CNTNAP4: variants seen among roughly 807,000 people sequenced by gnomAD.
CNTNAP4 encodes the protein contactin-associated protein-like 4.
CNTNAP4 carries 98 observed loss-of-function variants against 148.4 expected under a neutral mutation model. That is an observed-to-expected ratio of 0.66 (90% confidence interval 0.56 to 0.78). CNTNAP4 has a LOEUF of 0.78. CNTNAP4 is among the 30% of genes least tolerant of loss of function. The pLI is 0.00. For missense variants in CNTNAP4, 1,935 were observed against 1,565.6 expected, an observed-to-expected ratio of 1.24 and a Z score of -3.98; for synonymous variants, 730 against 565.1, an observed-to-expected ratio of 1.29 and a Z score of -4.14.
chr16:76,285,448 G>A (rs1164044970), intron 1 of CNTNAP4, among the ~76,000 whole-genome samples: 1 of 151,984 alleles, frequency 6.6e-6, no homozygotes, highest in African/African-American at 2.4e-5. Flanking sequence ...GGAAAAAAAT[G>A]GTGTGATATT....
At chr16:76,352,049 T>C (rs1402366752) in intron 2 of CNTNAP4, among the ~76,000 whole-genome samples, 1 of 152,182 alleles carries the variant, frequency 6.6e-6, no homozygotes, top group African/African-American at 2.4e-5. Flanking sequence ...AGGTATTAGC[T>C]GACACAGATG....
At chr16:76,343,331 A>G (rs951596770) in intron 2 of CNTNAP4, among the ~76,000 whole-genome samples, 1 of 152,172 alleles carries the variant, frequency 6.6e-6, no homozygotes, top group Non-Finnish European at 1.5e-5. Context: ...AGAACTTTCC[A>G]TTATACATTA....
intron 1 of CNTNAP4, chr16:76,316,112 C>A: frequency 2.3e-6 from 1 of 440,966 alleles, no homozygotes; most frequent in South Asian, 5.8e-5. Context: ...ATTTAATTTT[C>A]ATACAGTTAA....
chr16:76,349,907 A>T (rs148385095), intron 2 of CNTNAP4, among the ~76,000 whole-genome samples: 1 of 152,174 alleles, frequency 6.6e-6, no homozygotes, highest in African/African-American at 2.4e-5. Flanking sequence ...AATGTCTGTC[A>T]TGCCATTTTT....
chr16:76,475,997 C>T lies in CNTNAP4; in HGVS notation c.1714C>T (p.His572Tyr), dbSNP rs2081562375. Residue 572 changes from histidine (H) to tyrosine (Y), a missense_variant, in exon 11 of 24, where the codon CAT becomes TAT. Transcript: ENST00000611870. ...GECSQSWSTF[H>Y]CNCTNTGYRG... is the part of the protein sequence containing the mutation. Reference sequence around the variant, plus strand: ...GTGTTCCCAGTCCTGGAGCACCTTTCATTGTAACTGTACCAACACTGGTTA... The same window carrying T: ...GTGTTCCCAGTCCTGGAGCACCTTTTATTGTAACTGTACCAACACTGGTTA... 1.2e-6 allele frequency: 2 copies of T among 1,613,918 alleles called. No homozygotes were observed. The highest frequency in any genetic ancestry group is 2.7e-5 in the African/African-American group (2 of 75,042).
chr16:76,415,718 C>T (rs896177487), intron 3 of CNTNAP4, among the ~76,000 whole-genome samples: 1 of 151,092 alleles, frequency 6.6e-6, no homozygotes. Flanking sequence ...CAATGCTCAT[C>T]ACACCCTGAC....
At chr16:76,312,836 G>T (rs147732154) in intron 1 of CNTNAP4, among the ~76,000 whole-genome samples, 2,387 of 152,242 alleles carry the variant, frequency 0.016, 33 homozygotes, top group South Asian at 0.032. Flanking sequence ...CAACAAGGAG[G>T]GGTAAAGATT....
At chr16:76,451,975 A>G (rs2080502665) in intron 7 of CNTNAP4, among the ~76,000 whole-genome samples, 1 of 152,190 alleles carries the variant, frequency 6.6e-6, no homozygotes, top group African/African-American at 2.4e-5. Flanking sequence ...ATATATATGT[A>G]TCAAAATATC....
chr16:76,373,076 A>G (rs988330677), intron 3 of CNTNAP4, among the ~76,000 whole-genome samples: 30 of 152,202 alleles, frequency 2.0e-4, no homozygotes, highest in African/African-American at 6.3e-4. Context: ...TGAGACTATG[A>G]GGGTGTACAT....
chr16:76,348,044 A>G (rs906815373), intron 2 of CNTNAP4, among the ~76,000 whole-genome samples: 2 of 152,166 alleles, frequency 1.3e-5, no homozygotes, highest in African/African-American at 4.8e-5. Context: ...GCAAGAATCC[A>G]GGGTTGAATA....
intron 1 of CNTNAP4, among the ~76,000 whole-genome samples, chr16:76,298,700 G>A (rs1959600357): frequency 6.6e-6 from 1 of 152,162 alleles, no homozygotes; most frequent in African/African-American, 2.4e-5. Context: ...GGGCTCAGTT[G>A]CCTGCAGGGA....
intron 13 of CNTNAP4, 109 bp from the exon 14 acceptor site, chr16:76,494,801 C>A: frequency 8.4e-7 from 1 of 1,185,360 alleles, no homozygotes; most frequent in Non-Finnish European, 1.2e-6. Flanking sequence ...AATCTTTCTC[C>A]TTTTCTCCTT....
At chr16:76,304,190 C>T (rs530917369) in intron 1 of CNTNAP4, among the ~76,000 whole-genome samples, 6 of 152,140 alleles carry the variant, frequency 3.9e-5, no homozygotes, top group African/African-American at 7.2e-5. Flanking sequence ...ATAGGAAAGG[C>T]GATTTAAATA....
intron 17 of CNTNAP4, among the ~76,000 whole-genome samples, chr16:76,529,096 T>C (rs2083864256): frequency 6.6e-6 from 1 of 152,232 alleles, no homozygotes; most frequent in Non-Finnish European, 1.5e-5. Flanking sequence ...CATCTCCTCC[T>C]CTCCTCCAGA....
chr16:76,411,925 A>G (rs2078811790), intron 3 of CNTNAP4, among the ~76,000 whole-genome samples: 1 of 151,408 alleles, frequency 6.6e-6, no homozygotes, highest in African/African-American at 2.4e-5. Flanking sequence ...CAAACATATT[A>G]TTGTAACTTT....
intron 17 of CNTNAP4, among the ~76,000 whole-genome samples, chr16:76,532,979 A>T (rs921520041): frequency 2.6e-5 from 4 of 152,184 alleles, no homozygotes; most frequent in African/African-American, 9.6e-5. Flanking sequence ...AGCAATCTCA[A>T]TAATGGGCAT....
At chr16:76,432,519 G>C (rs1030863481) in intron 4 of CNTNAP4, 1 of 152,106 alleles carries the variant, frequency 6.6e-6, no homozygotes, top group Non-Finnish European at 1.5e-5. Flanking sequence ...GAGAAGAAAT[G>C]TATAGAAGTA....
At chr16:76,442,138 A>G (rs1433989128) in intron 4 of CNTNAP4, among the ~76,000 whole-genome samples, 1 of 152,114 alleles carries the variant, frequency 6.6e-6, no homozygotes, top group Non-Finnish European at 1.5e-5. Flanking sequence ...TCCTTATAAA[A>G]GGGAAGTAGG....
chr16:76,494,861 G>T lies in CNTNAP4; in HGVS notation c.2081-49G>T, dbSNP rs753002106. ...GAAAAGGAATTATATTGGGAGAGAAGGTGGTGGAACATAAAACAGATGTCA... is the reference window on the plus strand; with the variant it reads ...GAAAAGGAATTATATTGGGAGAGAATGTGGTGGAACATAAAACAGATGTCA... On this transcript the variant is annotated intron_variant, in intron 13 of 23. Coordinates refer to ENST00000611870, the MANE Select transcript of CNTNAP4 (RefSeq NM_033401.5). 5.8e-6 allele frequency: 9 copies of T among 1,553,566 alleles called. No homozygotes were observed. The Admixed American group carries it at 1.2e-4, about 22-fold the overall frequency.
Sources: gnomAD v4.1 joint callset for allele counts (sites outside exome capture counted in the v4.1 genomes callset) on GRCh38, gnomAD v4.1.1 for gene constraint, MANE v1.5 for transcripts, NCBI Gene and HGNC (gene_info 2026-07-23, HGNC 2026-07-21) for gene names.